The following ACAP2 variants were observed in gnomAD, a reference collection of about 807,000 sequenced individuals.
ACAP2 encodes the protein arf-GAP with coiled-coil, ANK repeat and PH domain-containing protein 2.
ACAP2 carries 39 observed loss-of-function variants against 115.8 expected under a neutral mutation model. The ratio of observed to expected loss-of-function variants is 0.34; its 90% CI spans 0.26 to 0.44. ACAP2 has a LOEUF of 0.44. Among genes scored for constraint, ACAP2 ranks in the 20% least tolerant of loss-of-function variants. The pLI, the probability that ACAP2 is intolerant of heterozygous loss-of-function variation, is 1.00. For missense variants in ACAP2, 662 were observed against 927.6 expected (o/e 0.71, Z 3.72); for synonymous variants, 289 against 315.8 (o/e 0.92, Z 0.90).
At chr3:195,371,584 A>T (rs568918116) in intron 4 of ACAP2, among the ~76,000 whole-genome samples, 65 of 152,098 alleles carry the variant, frequency 4.3e-4, no homozygotes, top group Non-Finnish European at 5.6e-4. Context: ...AGGACTTCCA[A>T]TACTATGTTG....
At chr3:195,304,912 C>T (rs1016133465) in intron 13 of ACAP2, among the ~76,000 whole-genome samples, 2 of 152,184 alleles carry the variant, frequency 1.3e-5, no homozygotes, top group South Asian at 2.1e-4. Context: ...AAGCCTCTAA[C>T]GCAATAGCTC....
intron 21 of ACAP2, among the ~76,000 whole-genome samples, chr3:195,288,884 G>T (rs1300888161): frequency 6.6e-6 from 1 of 152,050 alleles, no homozygotes; most frequent in East Asian, 1.9e-4. Context: ...AAACACTATA[G>T]TATAACAACT....
At chr3:195,398,008 A>G (rs956684685) in intron 1 of ACAP2, among the ~76,000 whole-genome samples, 1 of 152,224 alleles carries the variant, frequency 6.6e-6, no homozygotes, top group Non-Finnish European at 1.5e-5. Flanking sequence ...CTAGGCGTGC[A>G]AAAGGCTTAC....
chr3:195,412,888 G>C, intron 1 of ACAP2: 1 of 456,292 alleles, frequency 2.2e-6, no homozygotes, highest in South Asian at 1.5e-5. Flanking sequence ...AACAGCAAGC[G>C]GTAAAACAAG....
At chr3:195,362,719 T>A (rs926610679) in intron 4 of ACAP2, among the ~76,000 whole-genome samples, 4 of 152,184 alleles carry the variant, frequency 2.6e-5, no homozygotes, top group African/African-American at 9.7e-5. Context: ...AAAAACCATA[T>A]GATGACTTCA....
chr3:195,320,593 G>T, intron 10 of ACAP2, 108 bp downstream of exon 10: 1 of 674,648 alleles, frequency 1.5e-6, no homozygotes, highest in South Asian at 3.0e-5. Flanking sequence ...AGTTTCTATG[G>T]AATTTACAGA....
chr3:195,349,429 C>T (rs1479126909), intron 4 of ACAP2, among the ~76,000 whole-genome samples: 4 of 152,010 alleles, frequency 2.6e-5, no homozygotes, highest in Admixed American at 1.3e-4. Flanking sequence ...TGCAGTGAAC[C>T]GAGATCACGC....
At chr3:195,295,541 A>C in intron 17 of ACAP2, 167 bp downstream of exon 17, 1 of 750,936 alleles carries the variant, frequency 1.3e-6, no homozygotes, top group Non-Finnish European at 2.2e-6. Context: ...GGCATTGTTT[A>C]AAGTTAACTA....
At chr3:195,304,161 CTCAAAAAAAAA>C (rs1728256392) in intron 13 of ACAP2, among the ~76,000 whole-genome samples, 1 of 42,898 alleles carries the variant, frequency 2.3e-5, no homozygotes, top group East Asian at 6.9e-4. Context: ...GAGACTCCAT[CTCAAAAAAAAA>C]AAAAAAAAAA....
At chr3:195,387,516 A>G (rs1734383255) in intron 2 of ACAP2, among the ~76,000 whole-genome samples, 2 of 152,204 alleles carry the variant, frequency 1.3e-5, no homozygotes, top group African/African-American at 4.8e-5. Flanking sequence ...CACAAAACAA[A>G]TGAGGGTTTT....
At chr3:195,325,298 C>T (rs932352546) in intron 9 of ACAP2, 5 of 398,746 alleles carry the variant, frequency 1.3e-5, no homozygotes, top group South Asian at 9.3e-5. Flanking sequence ...AATGCGTGCA[C>T]GTATCTGCAC....
chr3:195,367,899 A>C (rs1007753761), intron 4 of ACAP2, among the ~76,000 whole-genome samples: 1 of 152,204 alleles, frequency 6.6e-6, no homozygotes, highest in Non-Finnish European at 1.5e-5. Flanking sequence ...GCCAGCACCA[A>C]CTAGAGCAGA....
intron 1 of ACAP2, among the ~76,000 whole-genome samples, chr3:195,428,143 T>C (rs1192063924): frequency 6.6e-6 from 1 of 151,746 alleles, no homozygotes; most frequent in Admixed American, 6.6e-5. Context: ...TAATAGAATA[T>C]ATGACACAAT....
chr3:195,440,898 A>G (rs1316399772), intron 1 of ACAP2, among the ~76,000 whole-genome samples: 1 of 152,222 alleles, frequency 6.6e-6, no homozygotes, highest in Non-Finnish European at 1.5e-5. Context: ...GCAGCTAACA[A>G]TAATTGGAAT....
chr3:195,337,779 C>T (rs896701219), intron 6 of ACAP2, among the ~76,000 whole-genome samples: 2 of 152,210 alleles, frequency 1.3e-5, no homozygotes, highest in Non-Finnish European at 2.9e-5. Context: ...GATCATGTTA[C>T]CTCTACCTTA....
intron 1 of ACAP2, 151 bp from the exon 2 acceptor site, chr3:195,392,298 C>A: frequency 1.6e-6 from 1 of 636,886 alleles, no homozygotes; most frequent in East Asian, 2.9e-5. Context: ...AGTATCAATA[C>A]TTCATAATCA....
intron 4 of ACAP2, 97 bp from the exon 5 acceptor site, chr3:195,345,414 T>A (rs1164819917): frequency 4.1e-6 from 3 of 726,878 alleles, no homozygotes; most frequent in Non-Finnish European, 7.3e-6. Flanking sequence ...AATTCTTCAA[T>A]TCTAATACCG....
At chr3:195,428,361 C>T (rs1714847576) in intron 1 of ACAP2, among the ~76,000 whole-genome samples, 2 of 150,906 alleles carry the variant, frequency 1.3e-5, no homozygotes, top group African/African-American at 4.9e-5. Context: ...CACACACACA[C>T]ACTCATATAT....
intron 6 of ACAP2, among the ~76,000 whole-genome samples, chr3:195,339,535 A>C: frequency 6.6e-6 from 1 of 150,778 alleles, no homozygotes; most frequent in Non-Finnish European, 1.5e-5. Flanking sequence ...AAATTATTGG[A>C]GGAAAAAAGT....
Sources: allele counts gnomAD v4.1 joint callset (sites outside exome capture counted in the v4.1 genomes callset), GRCh38; gene constraint gnomAD v4.1.1; transcripts MANE v1.5; gene names NCBI Gene and HGNC (gene_info 2026-07-23, HGNC 2026-07-21).